Variants in NEK1 observed in about 807,000 individuals in gnomAD.
NEK1 encodes the protein NIMA related kinase 1, also known as serine/threonine-protein kinase Nek1.
NEK1 carries 137 observed loss-of-function variants against 182.1 expected under a neutral mutation model. The observed-to-expected ratio is 0.75, with a 90% CI of 0.65 to 0.87. The LOEUF (loss-of-function observed/expected upper bound fraction) is 0.87. Among genes scored for constraint, NEK1 ranks in the 40% least tolerant of loss-of-function variants. NEK1 has a pLI of 0.00. For synonymous variants in NEK1, 513 were observed against 492.2 expected (o/e 1.04, Z -0.56); for missense variants, 1,391 against 1,494.4 (o/e 0.93, Z 1.14).
At chr4:169,429,611 G>GA (rs1469901060) in intron 29 of NEK1, among the ~76,000 whole-genome samples, 1 of 30,744 alleles carries the variant, frequency 3.3e-5, no homozygotes, top group Non-Finnish European at 7.3e-5. Context: ...CTCTTGCCCT[G>GA]CCTTTTACTC....
intron 27 of NEK1, among the ~76,000 whole-genome samples, chr4:169,441,859 C>T (rs1389005262): frequency 2.6e-5 from 4 of 152,130 alleles, no homozygotes; most frequent in East Asian, 1.9e-4. Flanking sequence ...CTCTACCTGG[C>T]GATGCCCCCA....
At chr4:169,587,795 A>G (rs1436433921) in intron 8 of NEK1, among the ~76,000 whole-genome samples, 182 bp from the exon 9 acceptor site, 6 of 152,064 alleles carry the variant, frequency 3.9e-5, no homozygotes, top group Admixed American at 3.9e-4. Flanking sequence ...GAAAAAGAAA[A>G]TGGTTGCCCC....
chr4:169,599,869 A>C (rs777141128), intron 4 of NEK1, among the ~76,000 whole-genome samples: 21 of 152,108 alleles, frequency 1.4e-4, no homozygotes, highest in Non-Finnish European at 2.1e-4. Context: ...GGACTACAAG[A>C]ATACTTCTTT....
chr4:169,427,026 T>A (rs1736517054), intron 29 of NEK1, among the ~76,000 whole-genome samples: 1 of 152,182 alleles, frequency 6.6e-6, no homozygotes, highest in African/African-American at 2.4e-5. Context: ...GAAGAATATA[T>A]TCCAAAAGTA....
chr4:169,414,339 T>C (rs977339856), intron 31 of NEK1, among the ~76,000 whole-genome samples: 12 of 152,134 alleles, frequency 7.9e-5, no homozygotes, highest in Non-Finnish European at 1.5e-4. Context: ...TTGGTACTTC[T>C]TTTTTATTAC....
At position 169,441,380 on chromosome 4, in the gene NEK1, C is replaced by A. The variant is rs1254398020; in HGVS notation, c.2588-3121G>T. 3.3e-5 allele frequency among the ~76,000 whole-genome samples: 5 copies of A among 152,210 alleles called. No homozygotes were observed. In the South Asian group the frequency reaches 1.0e-3, roughly 32 times the overall value. ...ACCTGGTAGCTGGGAGATCGATCTGCCCCATGCATCAGAGCTGGCACTAGC... is the reference window on the plus strand; with the variant it reads ...ACCTGGTAGCTGGGAGATCGATCTGACCCATGCATCAGAGCTGGCACTAGC... On this transcript the variant is annotated intron_variant, in intron 27 of 35. Transcript: ENST00000507142.
intron 19 of NEK1, among the ~76,000 whole-genome samples, chr4:169,529,644 T>C (rs1757387639): frequency 1.3e-5 from 2 of 152,182 alleles, no homozygotes; most frequent in African/African-American, 4.8e-5. Flanking sequence ...AAGCTAAGTT[T>C]CAGACTAGGA....
intron 11 of NEK1, among the ~76,000 whole-genome samples, chr4:169,578,953 T>C (rs148084177): frequency 2.0e-4 from 30 of 152,218 alleles, no homozygotes; most frequent in Admixed American, 1.1e-3. Context: ...CACATACACA[T>C]ATACACACAC....
At chr4:169,529,533 A>G (rs1757373358) in intron 19 of NEK1, among the ~76,000 whole-genome samples, 1 of 152,196 alleles carries the variant, frequency 6.6e-6, no homozygotes, top group Non-Finnish European at 1.5e-5. Flanking sequence ...GAGTTCTTAG[A>G]CATAACACGA....
chr4:169,479,388 T>G lies in NEK1; in HGVS notation c.2139+15A>C. The G allele has an allele frequency of 6.2e-7, 1 of 1,604,860 alleles. No individual in the cohort carries two copies. The highest frequency in any genetic ancestry group is 8.5e-7 in the Non-Finnish European group (1 of 1,175,802). On this transcript the variant is annotated intron_variant, in intron 24 of 35. Transcript: ENST00000507142. ...TCTTTTGACTTTGAGGAGTTCTGAA[T>G]CTTAGGAAACTTACCACGCCAACTT...
intron 23 of NEK1, among the ~76,000 whole-genome samples, chr4:169,493,026 G>A (rs548411855): frequency 1.3e-5 from 2 of 152,274 alleles, no homozygotes; most frequent in East Asian, 3.9e-4. Context: ...CCCTTTCTGG[G>A]CTTCTCTGGT....
intron 16 of NEK1, 26 bp from the exon 17 acceptor site, chr4:169,556,121 CAT>C: frequency 6.3e-7 from 1 of 1,597,582 alleles, no homozygotes; most frequent in Non-Finnish European, 8.5e-7. Context: ...AGAGCTCTCA[CAT>C]GTTTATCTTA....
rs139282389 is a variant in NEK1 at position 169,514,427 on chromosome 4, T to C, written c.1666-5575A>G. On this transcript the variant is annotated intron_variant, in intron 19 of 35. Transcript: ENST00000507142. ...CTCCACTACTACTTCTGGGAACAGA[T>C]TGTAGTGTTGTATCAAATTGGTGTT... Among the ~76,000 whole-genome samples the C allele has an allele frequency of 6.2e-3, 945 of 152,306 alleles. 9 individuals are homozygous for C. The highest frequency in any genetic ancestry group is 0.02 in the African/African-American group (817 of 41,574).
At position 169,537,863 on chromosome 4, in the gene NEK1, G is replaced by A; in HGVS notation, c.1611C>T (p.Phe537=). 6.2e-7 allele frequency: 1 copy of A among 1,611,420 alleles called. No individual in the cohort carries two copies. The highest frequency in any genetic ancestry group is 1.1e-5 in the South Asian group (1 of 90,598). The change falls in exon 19 of 36, where the codon TTC becomes TTT. Residue 537 remains phenylalanine (F), a synonymous_variant. Coordinates refer to ENST00000507142, the MANE Select transcript of NEK1 (RefSeq NM_001199397.3). ...GCATAGCTTCCCGTTTTCGCTGCAG[G>A]AACTCTTCTACTTGTTTAGCTCTTT... ...AVERAKQVEE[F]LQRKREAMQN...
Position 169,501,973 on chromosome 4 carries a change from A to G in NEK1, c.2007+5064T>C, listed in dbSNP as rs187374396. ...AAAGAAAAGTTGGTTCTTCAAAAAG[A>G]TAAACAAGATTAATAAACTTCTGGA... On this transcript the variant is annotated intron_variant, in intron 23 of 35. Coordinates refer to ENST00000507142, the MANE Select transcript of NEK1 (RefSeq NM_001199397.3). 6.6e-4 allele frequency among the ~76,000 whole-genome samples: 101 copies of G among 152,172 alleles called. 1 individual carries two copies. The highest frequency in any genetic ancestry group is 5.6e-3 in the Admixed American group (85 of 15,286).
chr4:169,425,646 G>A (rs930472868), intron 30 of NEK1, among the ~76,000 whole-genome samples: 6 of 152,014 alleles, frequency 3.9e-5, no homozygotes, highest in Admixed American at 1.3e-4. Flanking sequence ...AGTCTCCTGA[G>A]TAGATGAGAC....
chr4:169,425,533 G>A (rs1736241994), intron 30 of NEK1, among the ~76,000 whole-genome samples: 2 of 151,118 alleles, frequency 1.3e-5, no homozygotes, highest in South Asian at 4.2e-4. Flanking sequence ...GTTCCTATAG[G>A]TTAGATGAAA....
At chr4:169,448,513 G>A (rs1741027054) in intron 27 of NEK1, among the ~76,000 whole-genome samples, 2 of 151,942 alleles carry the variant, frequency 1.3e-5, no homozygotes, top group Admixed American at 1.3e-4. Flanking sequence ...TCTCTAAAAT[G>A]AAGATATGAA....
chr4:169,454,598 T>C (rs145234418), intron 27 of NEK1, among the ~76,000 whole-genome samples: 119 of 152,342 alleles, frequency 7.8e-4, no homozygotes, highest in African/African-American at 2.7e-3. Context: ...TCACTGATCA[T>C]TAGAGAAATG....
Sources: allele counts gnomAD v4.1 joint callset (sites outside exome capture counted in the v4.1 genomes callset), GRCh38; gene constraint gnomAD v4.1.1; transcripts MANE v1.5; gene names NCBI Gene and HGNC (gene_info 2026-07-23, HGNC 2026-07-21).